The following SLC5A4 variants were observed in gnomAD, a reference collection of about 807,000 sequenced individuals.
The protein encoded by SLC5A4 is solute carrier family 5 member 4.
SLC5A4 carries 55 observed loss-of-function variants against 70.3 expected under a neutral mutation model. That is an observed-to-expected ratio of 0.78 (90% CI 0.63 to 0.98). SLC5A4 has a LOEUF of 0.98. Among genes scored for constraint, SLC5A4 ranks in the 50% least tolerant of loss-of-function variants. SLC5A4 has a pLI of 0.00. For missense variants in SLC5A4, 735 were observed against 839.2 expected, an observed-to-expected ratio of 0.88 and a Z score of 1.53; for synonymous variants, 268 against 305.7, an observed-to-expected ratio of 0.88 and a Z score of 1.29.
the SLC5A4 span, among the ~76,000 whole-genome samples, chr22:32,331,093 T>C: frequency 7.1e-6 from 1 of 140,298 alleles, no homozygotes; most frequent in African/African-American, 2.7e-5. Context: ...CTCTGGTGTG[T>C]GTGTGTTGGA....
the SLC5A4 span, among the ~76,000 whole-genome samples, chr22:32,293,786 T>C: frequency 2.0e-5 from 3 of 152,128 alleles, no homozygotes; most frequent in South Asian, 6.2e-4. Context: ...TTTTTTAAAG[T>C]TGGGGCCCAT....
At chr22:32,229,163 G>A in intron 11 of SLC5A4, 31 bp downstream of exon 11, 1 of 1,604,080 alleles carries the variant, frequency 6.2e-7, no homozygotes, top group Non-Finnish European at 8.5e-7. Context: ...CTTCTCCAGA[G>A]GATTCTAGGT....
the SLC5A4 span, among the ~76,000 whole-genome samples, chr22:32,275,319 A>C: frequency 3.3e-5 from 5 of 152,238 alleles, no homozygotes; most frequent in South Asian, 4.2e-4. Context: ...GGTGTGCTGC[A>C]CCCATTAACT....
chr22:32,218,986 C>A (rs990998604), intron 14 of SLC5A4, among the ~76,000 whole-genome samples: 1 of 152,088 alleles, frequency 6.6e-6, no homozygotes, highest in African/African-American at 2.4e-5. Flanking sequence ...GGTTTAATAT[C>A]TTTAATATAT....
At chr22:32,235,175 G>T in intron 7 of SLC5A4, 82 bp from the exon 8 acceptor site, 2 of 1,009,120 alleles carry the variant, frequency 2.0e-6, no homozygotes, top group Non-Finnish European at 3.0e-6. Context: ...TTTTGGTGGA[G>T]GTAAACAAGC....
the SLC5A4 span, among the ~76,000 whole-genome samples, chr22:32,278,990 C>G: frequency 1.3e-5 from 2 of 152,204 alleles, no homozygotes; most frequent in African/African-American, 4.8e-5. Context: ...AAACTTGCTG[C>G]TATAGGCCGG....
At chr22:32,318,710 A>G in the SLC5A4 span, among the ~76,000 whole-genome samples, 8,253 of 152,226 alleles carry the variant, frequency 0.054, 376 homozygotes, top group Admixed American at 0.15. Context: ...GCAGCCAGAG[A>G]AGCCCTGTGA....
At position 32,239,551 on chromosome 22, in the gene SLC5A4, T is replaced by TA. The variant is rs1488586855; in HGVS notation, c.478-462dup. Among the ~76,000 whole-genome samples the TA allele has an allele frequency of 2.0e-4, 3 of 14,980 alleles. 1 individual carries two copies. The highest frequency in any genetic ancestry group is 1.8e-3 in the African/African-American group (3 of 1,634). 9.8% of individuals were successfully genotyped at this position (14,980 alleles called of 152,430 possible). A position where few individuals can be genotyped will look rare whatever the true frequency, so the allele number is the denominator to read the frequency against. On this transcript the variant is annotated intron_variant, in intron 5 of 14. Transcript: ENST00000266086. ...ATATATATATATATATATATATATA[T>TA]ATATATATATATATATATTTATATA...
intron 12 of SLC5A4, 129 bp from the exon 13 acceptor site, chr22:32,224,611 G>A (rs1444828495): frequency 1.4e-6 from 1 of 704,170 alleles, no homozygotes; most frequent in Non-Finnish European, 2.4e-6. Flanking sequence ...TGGGCACAAG[G>A]TTACCGACAT....
the SLC5A4 span, among the ~76,000 whole-genome samples, chr22:32,292,851 C>T: frequency 1.3e-5 from 2 of 151,936 alleles, no homozygotes; most frequent in African/African-American, 4.8e-5. Context: ...ATTGTTTGAC[C>T]TGTTGTAGAG....
the SLC5A4 span, chr22:32,327,227 C>T: frequency 3.9e-5 from 6 of 152,250 alleles, no homozygotes; most frequent in Non-Finnish European, 8.8e-5. Flanking sequence ...ACAGAAGTTT[C>T]CTCAAAAGGT....
At chr22:32,306,414 C>T in the SLC5A4 span, among the ~76,000 whole-genome samples, 11 of 150,636 alleles carry the variant, frequency 7.3e-5, no homozygotes, top group Admixed American at 2.0e-4. Flanking sequence ...TGCAGTGACC[C>T]GAGATTGCAC....
the SLC5A4 span, among the ~76,000 whole-genome samples, chr22:32,344,373 C>T: frequency 6.6e-6 from 1 of 152,068 alleles, no homozygotes; most frequent in South Asian, 2.1e-4. Flanking sequence ...TTTCTCATTC[C>T]ACATGTCCCC....
the SLC5A4 span, among the ~76,000 whole-genome samples, chr22:32,304,255 T>C: frequency 1.3e-5 from 2 of 152,158 alleles, no homozygotes; most frequent in African/African-American, 4.8e-5. Context: ...GCCTCCCAAA[T>C]AGCTGGGACT....
At chr22:32,278,705 C>T in the SLC5A4 span, among the ~76,000 whole-genome samples, 3 of 151,938 alleles carry the variant, frequency 2.0e-5, no homozygotes, top group African/African-American at 7.2e-5. Context: ...AGGAACGCAA[C>T]AAAAAATAAA....
the SLC5A4 span, among the ~76,000 whole-genome samples, chr22:32,329,876 A>AGGCT: frequency 8.5e-3 from 94 of 11,052 alleles, 6 homozygotes; most frequent in African/African-American, 0.02. Flanking sequence ...TGTGTGTTGG[A>AGGCT]GGCTCTGGTG....
the SLC5A4 span, among the ~76,000 whole-genome samples, chr22:32,341,746 C>G: frequency 0.15 from 22,328 of 152,182 alleles, 1,883 homozygotes; most frequent in East Asian, 0.34. Context: ...TCCTACACTT[C>G]TTCTGCTAAT....
the SLC5A4 span, among the ~76,000 whole-genome samples, chr22:32,349,340 C>T: frequency 6.6e-6 from 1 of 152,142 alleles, no homozygotes; most frequent in Non-Finnish European, 1.5e-5. Flanking sequence ...GTTTTAATTA[C>T]GTACCAGGTG....
intron 4 of SLC5A4, among the ~76,000 whole-genome samples, chr22:32,248,315 C>A (rs953286208): frequency 6.6e-6 from 1 of 152,204 alleles, no homozygotes; most frequent in Non-Finnish European, 1.5e-5. Context: ...CCCAGTGTTA[C>A]AACTTGAGAA....
Sources: gnomAD v4.1 joint callset for allele counts (sites outside exome capture counted in the v4.1 genomes callset) on GRCh38, gnomAD v4.1.1 for gene constraint, MANE v1.5 for transcripts, NCBI Gene and HGNC (gene_info 2026-07-23, HGNC 2026-07-21) for gene names.